The following ERC1 variants were observed in gnomAD, a reference collection of about 807,000 sequenced individuals.
ERC1 encodes RAB6 interacting protein 2.
In ERC1, 56 loss-of-function variants were observed where a neutral mutation model predicts 132.0. That is an observed-to-expected ratio of 0.42 (90% CI 0.34 to 0.53). The LOEUF is 0.53. ERC1 is among the 20% of genes least tolerant of loss of function. ERC1 has a pLI of 0.03. For missense variants in ERC1, 1,202 were observed against 1,349.9 expected, an observed-to-expected ratio of 0.89 and a Z score of 1.72; for synonymous variants, 478 against 476.1, an observed-to-expected ratio of 1.00 and a Z score of -0.05.
chr12:1,383,397 C>T (rs567256951), intron 16 of ERC1, among the ~76,000 whole-genome samples: 10 of 152,020 alleles, frequency 6.6e-5, no homozygotes, highest in African/African-American at 2.4e-4. Flanking sequence ...GGGAACCAGT[C>T]AGACCAATAT....
intron 13 of ERC1, among the ~76,000 whole-genome samples, chr12:1,259,740 G>C (rs1215302547): frequency 1.3e-5 from 2 of 151,952 alleles, no homozygotes; most frequent in African/African-American, 4.8e-5. Flanking sequence ...GGTCAGGCTG[G>C]TCTCAAACTC....
rs571667599 is a variant in ERC1 at position 1,343,473 on chromosome 12, G to C, written c.2781-28360G>C. ...AAAAGATTCCTATGAGCTGCACCAG[G>C]AATATCGTATCTAGTACAAAAACTG... On this transcript the variant is annotated intron_variant, in intron 15 of 18. Transcript: ENST00000360905. Among the ~76,000 whole-genome samples, 18 of 152,254 alleles carry C rather than the reference G, an allele frequency of 1.2e-4. 1 individual carries two copies. The highest frequency in any genetic ancestry group is 4.3e-4 in the African/African-American group (18 of 41,542).
chr12:1,148,646 G>A (rs575425122), intron 8 of ERC1, among the ~76,000 whole-genome samples: 1 of 152,036 alleles, frequency 6.6e-6, no homozygotes, highest in East Asian at 1.9e-4. Context: ...CTGTTACCCA[G>A]GCCGGAGTGC....
intron 15 of ERC1, among the ~76,000 whole-genome samples, chr12:1,322,561 C>T (rs145724436): frequency 3.5e-3 from 537 of 152,226 alleles, no homozygotes; most frequent in African/African-American, 0.012. Context: ...AAGAAGTAAA[C>T]ATTTATTACA....
chr12:1,421,598 A>G (rs564473947), intron 17 of ERC1, among the ~76,000 whole-genome samples: 4 of 152,310 alleles, frequency 2.6e-5, no homozygotes, highest in Non-Finnish European at 5.9e-5. Flanking sequence ...AAGTCTGAAA[A>G]ATATCTTAAA....
intron 9 of ERC1, 31 bp downstream of exon 9, chr12:1,180,708 G>A (rs761831605): frequency 1.4e-5 from 22 of 1,612,136 alleles, no homozygotes; most frequent in Non-Finnish European, 1.7e-5. Context: ...CTCCACACAC[G>A]TTTTCTGCTT....
chr12:1,014,337 G>A (rs889591616), intron 1 of ERC1, among the ~76,000 whole-genome samples: 3 of 151,856 alleles, frequency 2.0e-5, no homozygotes, highest in African/African-American at 7.3e-5. Context: ...CATCATGCCT[G>A]GCTAATGTTG....
At chr12:1,265,468 AAAGAGC>A (rs1254194963) in intron 14 of ERC1, among the ~76,000 whole-genome samples, 62 of 152,344 alleles carry the variant, frequency 4.1e-4, no homozygotes, top group African/African-American at 1.3e-3. Context: ...CAGAAAGTGC[AAAGAGC>A]TTCCATTTAC....
At chr12:992,447 T>C (rs1380576627) in intron 1 of ERC1, among the ~76,000 whole-genome samples, 3 of 152,258 alleles carry the variant, frequency 2.0e-5, no homozygotes, top group Non-Finnish European at 4.4e-5. Context: ...AGACATTTTG[T>C]GTTCAGTGCT....
At chr12:1,057,145 GT>G (rs1388017969) in intron 2 of ERC1, among the ~76,000 whole-genome samples, 1 of 152,028 alleles carries the variant, frequency 6.6e-6, no homozygotes, top group African/African-American at 2.4e-5. Context: ...TTGTTTGTTT[GT>G]TTTGTTTTTT....
At chr12:1,051,417 T>TG (rs1232912672) in intron 2 of ERC1, among the ~76,000 whole-genome samples, 1 of 151,638 alleles carries the variant, frequency 6.6e-6, no homozygotes, top group Non-Finnish European at 1.5e-5. Flanking sequence ...TGGCTGGGCA[T>TG]GGTGGCTCAT....
chr12:1,206,118 T>C (rs549577765), intron 12 of ERC1, among the ~76,000 whole-genome samples: 2 of 152,264 alleles, frequency 1.3e-5, no homozygotes, highest in African/African-American at 4.8e-5. Context: ...AGTCATTGTT[T>C]TTTCAGTGGC....
intron 11 of ERC1, among the ~76,000 whole-genome samples, chr12:1,188,602 T>A (rs1234430423): frequency 6.6e-6 from 1 of 152,210 alleles, no homozygotes; most frequent in Non-Finnish European, 1.5e-5. Context: ...GAAGCCTATA[T>A]TTAAGACATA....
intron 16 of ERC1, among the ~76,000 whole-genome samples, chr12:1,373,578 G>A (rs943407225): frequency 5.7e-4 from 87 of 152,282 alleles, no homozygotes; most frequent in African/African-American, 2.0e-3. Context: ...TCAGGAAATC[G>A]AGACCATCCT....
chr12:1,486,971 A>G (rs2094228634), intron 18 of ERC1, among the ~76,000 whole-genome samples: 1 of 152,204 alleles, frequency 6.6e-6, no homozygotes, highest in Non-Finnish European at 1.5e-5. Flanking sequence ...TCCAGCTGGA[A>G]TCAAGATACT....
chr12:1,079,880 A>T (rs1565923729), intron 2 of ERC1, among the ~76,000 whole-genome samples: 1 of 152,144 alleles, frequency 6.6e-6, no homozygotes. Context: ...GATAGAAATG[A>T]TTTGTAATAT....
At chr12:1,372,211 G>GA (rs1369889043) in intron 16 of ERC1, among the ~76,000 whole-genome samples, 1 of 152,150 alleles carries the variant, frequency 6.6e-6, no homozygotes. Context: ...TCTTCTATGA[G>GA]AATGTTTTTT....
chr12:1,271,628 A>G (rs1433782223), intron 14 of ERC1, among the ~76,000 whole-genome samples: 1 of 152,208 alleles, frequency 6.6e-6, no homozygotes, highest in Non-Finnish European at 1.5e-5. Context: ...AGGCATGATT[A>G]TAGCACACTA....
In ERC1 at chr12:1,193,200, C is replaced by T. The variant is rs373752713; in HGVS notation, c.2351+3148C>T. On this transcript the variant is annotated intron_variant, in intron 12 of 18. Coordinates refer to ENST00000360905, the MANE Select transcript of ERC1 (RefSeq NM_178040.4). ...TAAAGAAATAAATAAATAGGTCCTTCCCATGTTGGCTGTTACAGAAAATAA... is the reference window on the plus strand; with the variant it reads ...TAAAGAAATAAATAAATAGGTCCTTTCCATGTTGGCTGTTACAGAAAATAA... Among the ~76,000 whole-genome samples the T allele has an allele frequency of 4.8e-4, 73 of 152,244 alleles. 1 individual carries two copies. The highest frequency in any genetic ancestry group is 3.4e-3 in the Middle Eastern group (1 of 294).
Sources: gnomAD v4.1 joint callset for allele counts (sites outside exome capture counted in the v4.1 genomes callset) on GRCh38, gnomAD v4.1.1 for gene constraint, MANE v1.5 for transcripts, NCBI Gene and HGNC (gene_info 2026-07-23, HGNC 2026-07-21) for gene names.